Variants in SULF1 observed in about 807,000 individuals in gnomAD.
The protein encoded by SULF1 is sulfatase 1, also known as extracellular sulfatase Sulf-1.
SULF1 carries 46 observed loss-of-function variants against 110.5 expected under a neutral mutation model. The ratio of observed to expected loss-of-function variants is 0.42; its 90% CI spans 0.33 to 0.53. The LOEUF is 0.53. SULF1 is among the 20% of genes least tolerant of loss of function. The pLI is 0.12. For synonymous variants in SULF1, 371 were observed against 387.1 expected, an observed-to-expected ratio of 0.96 and a Z score of 0.49; for missense variants, 941 against 1,094.2, an observed-to-expected ratio of 0.86 and a Z score of 1.98.
chr8:69,470,169 C>T (rs1388765392), intron 1 of SULF1, among the ~76,000 whole-genome samples: 1 of 151,932 alleles, frequency 6.6e-6, no homozygotes, highest in Non-Finnish European at 1.5e-5. Flanking sequence ...GGTTTTTTTT[C>T]CCCTGTGCAA....
chr8:69,626,833 G>A (rs1357371199), intron 15 of SULF1, among the ~76,000 whole-genome samples: 2 of 152,218 alleles, frequency 1.3e-5, no homozygotes, highest in South Asian at 2.1e-4. Flanking sequence ...AGGCAGCCCC[G>A]GTTCCCATTC....
At chr8:69,505,845 A>C (rs1811145121) in intron 3 of SULF1, among the ~76,000 whole-genome samples, 1 of 151,838 alleles carries the variant, frequency 6.6e-6, no homozygotes, top group African/African-American at 2.4e-5. Context: ...ATATCAACTC[A>C]TTTAAAATTA....
At chr8:69,616,404 T>A (rs547276454) in intron 13 of SULF1, among the ~76,000 whole-genome samples, 4 of 151,064 alleles carry the variant, frequency 2.6e-5, no homozygotes, top group Non-Finnish European at 4.4e-5. Flanking sequence ...CTTTGTTTTT[T>A]GTTTGTTTGT....
At position 69,482,448 on chromosome 8, in the gene SULF1, A is replaced by G. The variant is rs1337752018; in HGVS notation, c.-390-13317A>G. Among the ~76,000 whole-genome samples the G allele has an allele frequency of 4.6e-5, 7 of 152,198 alleles. 1 individual carries two copies. Among genetic ancestry groups the G allele is most frequent in the Admixed American group, 2.0e-4 (3 of 15,278 alleles). On this transcript the variant is annotated intron_variant, in intron 1 of 22. Transcript: ENST00000260128. Reference sequence around the variant, plus strand: ...TTGTGCCCATTTTAAAGAAATAGAAACAGAGGCACATCTTTGGTGACACAT... The same window carrying G: ...TTGTGCCCATTTTAAAGAAATAGAAGCAGAGGCACATCTTTGGTGACACAT...
chr8:69,542,742 G>T (rs566846476), intron 3 of SULF1, among the ~76,000 whole-genome samples: 135 of 152,310 alleles, frequency 8.9e-4, no homozygotes, highest in African/African-American at 2.8e-3. Context: ...TTTAGGAAAA[G>T]GGAAAGAAAT....
chr8:69,601,585 G>A, intron 9 of SULF1, 69 bp from the exon 10 acceptor site: 1 of 1,330,724 alleles, frequency 7.5e-7, no homozygotes, highest in Non-Finnish European at 1.0e-6. Flanking sequence ...GGGCAATCGT[G>A]GCAACACTAT....
At chr8:69,540,643 G>A (rs1435854086) in intron 3 of SULF1, among the ~76,000 whole-genome samples, 1 of 152,124 alleles carries the variant, frequency 6.6e-6, no homozygotes, top group African/African-American at 2.4e-5. Flanking sequence ...CTGCCTTCTT[G>A]CCCGGGTTTC....
chr8:69,489,814 G>T (rs1476424684), upstream of SULF1, among the ~76,000 whole-genome samples: 2 of 151,922 alleles, frequency 1.3e-5, no homozygotes, highest in Non-Finnish European at 2.9e-5. Context: ...CTGACCTTGT[G>T]ATCAGGAGCA....
At chr8:69,645,128 T>A (rs1811791337) in intron 22 of SULF1, among the ~76,000 whole-genome samples, 1 of 152,106 alleles carries the variant, frequency 6.6e-6, no homozygotes, top group Non-Finnish European at 1.5e-5. Context: ...AGGTGTGTCA[T>A]GGAGCGGCCA....
In SULF1 at chr8:69,482,952, GA is replaced by G. The variant is rs1020149187; in HGVS notation, c.-390-12806del. 1.1e-4 allele frequency among the ~76,000 whole-genome samples: 17 copies of G among 151,564 alleles called. No individual in the cohort carries two copies. In the East Asian group the frequency reaches 2.1e-3, roughly 19 times the overall value. Reference sequence around the variant, plus strand: ...CCTTGGATAGAAAAACTATTCAGGGGAAAAAAATACAACAATAAAAAAATAC... The same window carrying G: ...CCTTGGATAGAAAAACTATTCAGGGGAAAAAATACAACAATAAAAAAATAC... On this transcript the variant is annotated intron_variant, in intron 1 of 22. Transcript: ENST00000260128.
chr8:69,528,374 G>A (rs1812845889), intron 3 of SULF1, among the ~76,000 whole-genome samples: 1 of 152,152 alleles, frequency 6.6e-6, no homozygotes, highest in African/African-American at 2.4e-5. Context: ...ACCCAAATAG[G>A]AATGGGATTG....
chr8:69,472,734 T>C (rs1240581265), intron 1 of SULF1, among the ~76,000 whole-genome samples: 1 of 152,230 alleles, frequency 6.6e-6, no homozygotes, highest in African/African-American at 2.4e-5. Context: ...ACAATCACAT[T>C]TGACACCATC....
chr8:69,603,781 A>G (rs1399169631), intron 12 of SULF1, 125 bp downstream of exon 12: 10 of 711,740 alleles, frequency 1.4e-5, no homozygotes, highest in Non-Finnish European at 1.5e-5. Flanking sequence ...TAGTCACAAG[A>G]TTGAATGGTT....
chr8:69,482,520 T>C (rs191299992), intron 1 of SULF1, among the ~76,000 whole-genome samples: 155 of 152,110 alleles, frequency 1.0e-3, no homozygotes, highest in Non-Finnish European at 1.9e-3. Context: ...TGTGTGCAGT[T>C]TACTGTCAAT....
intron 22 of SULF1, among the ~76,000 whole-genome samples, chr8:69,650,503 G>C (rs1346212710): frequency 6.6e-6 from 1 of 152,114 alleles, no homozygotes; most frequent in Non-Finnish European, 1.5e-5. Context: ...CATTAGCTGG[G>C]CTTAGTCCCA....
In SULF1 at chr8:69,546,182, CAA is replaced by C. The variant is rs143697571; in HGVS notation, c.-133-17356_-133-17355del. Among the ~76,000 whole-genome samples, 420 of 152,230 alleles carry C rather than the reference CAA, an allele frequency of 2.8e-3. 2 individuals are homozygous for C. Among genetic ancestry groups the C allele is most frequent in the African/African-American group, 9.3e-3 (385 of 41,542 alleles). ...AATGAATGATGAGGTAGGCAATTAG[CAA>C]TTTGCATCACATCATTTAGGACTCT... On this transcript the variant is annotated intron_variant, in intron 3 of 22. Coordinates refer to ENST00000402687, the MANE Select transcript of SULF1 (RefSeq NM_001128205.2).
intron 3 of SULF1, among the ~76,000 whole-genome samples, chr8:69,509,721 C>A (rs879535343): frequency 2.1e-4 from 32 of 152,174 alleles, no homozygotes; most frequent in Admixed American, 2.1e-3. Context: ...ATGAGGCTGC[C>A]CTTCTCACAG....
intron 1 of SULF1, among the ~76,000 whole-genome samples, chr8:69,493,588 C>A (rs1439317782): frequency 6.6e-6 from 1 of 152,194 alleles, no homozygotes; most frequent in African/African-American, 2.4e-5. Context: ...TGGGTACTCA[C>A]AATTTCAATC....
intron 3 of SULF1, among the ~76,000 whole-genome samples, chr8:69,512,519 C>T (rs1019271323): frequency 3.9e-5 from 6 of 152,186 alleles, no homozygotes; most frequent in South Asian, 2.1e-4. Context: ...CTGGGCAAGC[C>T]GCATGTTCTT....
Sources: gnomAD v4.1 joint callset for allele counts (sites outside exome capture counted in the v4.1 genomes callset) on GRCh38, gnomAD v4.1.1 for gene constraint, MANE v1.5 for transcripts, NCBI Gene and HGNC (gene_info 2026-07-23, HGNC 2026-07-21) for gene names.